Variants in PLEKHA4 observed in about 807,000 individuals in gnomAD.
PLEKHA4 encodes pleckstrin homology domain-containing family A member 4.
A neutral mutation model predicts 94.7 loss-of-function variants in PLEKHA4; 73 were observed. The ratio of observed to expected loss-of-function variants is 0.77; its 90% CI spans 0.64 to 0.94. PLEKHA4 has a LOEUF of 0.94. PLEKHA4 is among the 40% of genes least tolerant of loss of function. The probability of loss-of-function intolerance (pLI) is 0.00; values close to 1 mark genes in which losing one functional copy is unlikely to be tolerated. For missense variants in PLEKHA4, 1,049 were observed against 1,054.1 expected, an observed-to-expected ratio of 1.00 and a Z score of 0.07; for synonymous variants, 449 against 437.1, an observed-to-expected ratio of 1.03 and a Z score of -0.34.
chr19:48,848,921 A>G (rs1320849053), intron 13 of PLEKHA4, among the ~76,000 whole-genome samples: 2 of 152,012 alleles, frequency 1.3e-5, no homozygotes, highest in Non-Finnish European at 2.9e-5. Context: ...GTTTTTGGAG[A>G]CAGTCCCTCC....
chr19:48,848,116 G>A, intron 13 of PLEKHA4, 76 bp from the exon 14 acceptor site: 5 of 1,447,458 alleles, frequency 3.5e-6, no homozygotes, highest in Non-Finnish European at 4.8e-6. Context: ...CCCCTGCAAA[G>A]GTCTGAAATC....
chr19:48,861,644 C>G lies in PLEKHA4; in HGVS notation c.241G>C (p.Gly81Arg). The change falls in exon 4 of 20, where the codon GGC (glycine) becomes CGC (arginine). Residue 81 changes from glycine (G) to arginine (R), a missense_variant. Gly to Arg is a moderately radical substitution (Grantham distance 125, BLOSUM62 -2). Transcript: ENST00000263265. ...LWKRRWFVLSGHCLFYYKDSR... is the reference protein window; with the variant it reads ...LWKRRWFVLSRHCLFYYKDSR... Reference sequence around the variant, plus strand: ...CCCTTGTAATAAAAGAGGCAATGGCCGGAGAGGACGAACCAGCGGCGTTTC... The same window carrying G: ...CCCTTGTAATAAAAGAGGCAATGGCGGGAGAGGACGAACCAGCGGCGTTTC... The G allele has an allele frequency of 6.2e-7, 1 of 1,614,130 alleles. No homozygotes were observed. Among genetic ancestry groups the G allele is most frequent in the South Asian group, 1.1e-5 (1 of 91,078 alleles).
intron 18 of PLEKHA4, among the ~76,000 whole-genome samples, chr19:48,838,877 T>G (rs527289884): frequency 6.6e-6 from 1 of 152,146 alleles, no homozygotes; most frequent in East Asian, 1.9e-4. Context: ...TCCTAGCACG[T>G]GTCTCTAAAA....
intron 8 of PLEKHA4, among the ~76,000 whole-genome samples, chr19:48,858,069 G>C (rs2123097056): frequency 6.6e-6 from 1 of 152,182 alleles, no homozygotes; most frequent in African/African-American, 2.4e-5. Context: ...CTCCAGCTGT[G>C]TGCCACTGTG....
intron 8 of PLEKHA4, 97 bp downstream of exon 8, chr19:48,858,763 C>T: frequency 7.3e-7 from 1 of 1,378,492 alleles, no homozygotes; most frequent in East Asian, 2.3e-5. Flanking sequence ...ACTACAATAC[C>T]CATGACACCC....
At chr19:48,848,126 C>A in intron 13 of PLEKHA4, 86 bp from the exon 14 acceptor site, 1 of 1,372,508 alleles carries the variant, frequency 7.3e-7, no homozygotes. Context: ...GGTCTGAAAT[C>A]AGCTGGGCTA....
chr19:48,865,598 C>A lies in PLEKHA4; in HGVS notation c.97G>T (p.Ala33Ser), dbSNP rs779522590. 3.0e-5 allele frequency: 49 copies of A among 1,613,214 alleles called. No homozygotes were observed. The highest frequency in any genetic ancestry group is 4.2e-5 in the Non-Finnish European group (49 of 1,179,368). ...CCAAAGGCGTGGATCTTGTTTACTG[C>A]CCGGGTGGGCTTCTGAGGAGAGAAG... ...SSLSPKKPTR[A>S]VNKIHAFGKR... is the part of the protein sequence containing the mutation. The change falls in exon 3 of 20, where the codon GCA becomes TCA. Residue 33 changes from alanine to serine, a missense_variant. Ala to Ser is a moderately conservative substitution (Grantham distance 99). Coordinates refer to ENST00000263265, the MANE Select transcript of PLEKHA4 (RefSeq NM_020904.3).
At chr19:48,839,731 C>G (rs1341424152) in intron 17 of PLEKHA4, among the ~76,000 whole-genome samples, 1 of 151,874 alleles carries the variant, frequency 6.6e-6, no homozygotes, top group East Asian at 1.9e-4. Context: ...ACCTGTGTTC[C>G]TATAAAGCAG....
At chr19:48,853,951 G>A in intron 11 of PLEKHA4, 56 bp downstream of exon 11, 1 of 1,603,568 alleles carries the variant, frequency 6.2e-7, no homozygotes, top group Non-Finnish European at 8.5e-7. Context: ...CATTCAGGAA[G>A]GGCTCAGGGC....
chr19:48,857,662 A>T (rs559324433), intron 8 of PLEKHA4, among the ~76,000 whole-genome samples, 166 bp from the exon 9 acceptor site: 1 of 151,554 alleles, frequency 6.6e-6, no homozygotes, highest in African/African-American at 2.4e-5. Context: ...ACTCAGGGTT[A>T]AATGGATTAA....
chr19:48,846,010 C>CAAA (rs1159060833), intron 14 of PLEKHA4, among the ~76,000 whole-genome samples: 1 of 71,292 alleles, frequency 1.4e-5, no homozygotes, highest in African/African-American at 5.0e-5. Context: ...GACTCTGCCT[C>CAAA]AAAAAAAAAA....
intron 9 of PLEKHA4, 43 bp from the exon 10 acceptor site, chr19:48,854,307 G>A (rs745447941): frequency 6.4e-7 from 1 of 1,569,330 alleles, no homozygotes; most frequent in South Asian, 1.1e-5. Flanking sequence ...GGGACAGGCT[G>A]GTCATTCTTG....
chr19:48,845,636 G>A lies in PLEKHA4; in HGVS notation c.1567-20C>T. ...CAGGCTCTGCGGGGATTAGAAAAGG[G>A]GGATAATGATGATCATTATAATAAT... On this transcript the variant is annotated intron_variant, in intron 14 of 19. Transcript: ENST00000263265. 6.7e-7 allele frequency: 1 copy of A among 1,487,148 alleles called. No individual in the cohort carries two copies. The highest frequency in any genetic ancestry group is 9.1e-7 in the Non-Finnish European group (1 of 1,097,184). 92.1% of individuals were successfully genotyped at this position (1,487,148 alleles called of 1,614,324 possible). A position where few individuals can be genotyped will look rare whatever the true frequency, so the allele number is the denominator to read the frequency against.
At chr19:48,858,514 C>T (rs634620) in intron 8 of PLEKHA4, among the ~76,000 whole-genome samples, 30,976 of 150,832 alleles carry the variant, frequency 0.21, 4,331 homozygotes, top group African/African-American at 0.4. Flanking sequence ...GTAATCCTAG[C>T]TACTCGGGAG....
intron 16 of PLEKHA4, among the ~76,000 whole-genome samples, chr19:48,842,559 G>A (rs1338348302): frequency 2.6e-5 from 4 of 152,278 alleles, no homozygotes; most frequent in African/African-American, 9.6e-5. Context: ...TAATAAGCAG[G>A]TATTTTTAGC....
chr19:48,859,143 T>A lies in PLEKHA4; in HGVS notation c.693-4A>T, dbSNP rs76703232. ...GCGAGAGAGGGGGGTGAACAGGCTGTGGGAAGGAGAGAATCGGGGAACTGA... is the reference window on the plus strand; with the variant it reads ...GCGAGAGAGGGGGGTGAACAGGCTGAGGGAAGGAGAGAATCGGGGAACTGA... On this transcript the variant is annotated splice_polypyrimidine_tract_variant and splice_region_variant and intron_variant, in intron 7 of 19. Coordinates refer to ENST00000263265, the MANE Select transcript of PLEKHA4 (RefSeq NM_020904.3). The A allele has an allele frequency of 6.6e-7, 1 of 1,519,848 alleles. No individual in the cohort carries two copies. The highest frequency in any genetic ancestry group is 1.4e-5 in the African/African-American group (1 of 71,822). 94.1% of individuals were successfully genotyped at this position (1,519,848 alleles called of 1,614,324 possible). A position where few individuals can be genotyped will look rare whatever the true frequency, so the allele number is the denominator to read the frequency against.
At chr19:48,839,616 T>C (rs2122872241) in intron 17 of PLEKHA4, among the ~76,000 whole-genome samples, 3 of 152,016 alleles carry the variant, frequency 2.0e-5, no homozygotes, top group Admixed American at 2.0e-4. Flanking sequence ...AGACAGAGTC[T>C]TGCTATGTTG....
chr19:48,840,437 T>G (rs1462936911), intron 17 of PLEKHA4, among the ~76,000 whole-genome samples: 1 of 150,960 alleles, frequency 6.6e-6, no homozygotes. Context: ...TTTTTTTTTT[T>G]TTTTTGAGAC....
At chr19:48,863,976 T>G (rs949108850) in intron 3 of PLEKHA4, among the ~76,000 whole-genome samples, 2 of 152,202 alleles carry the variant, frequency 1.3e-5, no homozygotes, top group Non-Finnish European at 2.9e-5. Context: ...AGTTCCTGAT[T>G]TGGCAAATCT....
Sources: allele counts gnomAD v4.1 joint callset (sites outside exome capture counted in the v4.1 genomes callset), GRCh38; gene constraint gnomAD v4.1.1; transcripts MANE v1.5; gene names NCBI Gene and HGNC (gene_info 2026-07-23, HGNC 2026-07-21).